SNORC: variants seen among roughly 807,000 people sequenced by gnomAD.
The protein encoded by SNORC is protein SNORC.
SNORC carries 11 observed loss-of-function variants against 9.7 expected under a neutral mutation model. That is an observed-to-expected ratio of 1.14 (90% confidence interval 0.72 to 1.88). The LOEUF is 1.88. SNORC is among the 40% of genes most tolerant of loss of function. The probability of loss-of-function intolerance (pLI) is 0.00; values close to 1 mark genes in which losing one functional copy is unlikely to be tolerated. For synonymous variants in SNORC, 108 were observed against 88.7 expected (o/e 1.22, Z -1.22); for missense variants, 197 against 173.1 (o/e 1.14, Z -0.77).
chr2:232,876,116 G>A lies in SNORC; in HGVS notation c.250G>A (p.Gly84Ser). The change falls in exon 2 of 3, where the codon GGC becomes AGC. Residue 84 changes from glycine (G) to serine (S), a missense_variant. Transcript: ENST00000331342. The surrounding 1 kb of genome is among the most constrained non-coding windows in gnomAD (Gnocchi z 6.8). ...CACCGCGCAGGAGCGGCTGGACCAG[G>A]GCGGCGGTACGGGCGGGGCGGGGGA... 2 of 1,500,054 alleles carry A rather than the reference G, an allele frequency of 1.3e-6. No individual in the cohort carries two copies. Among genetic ancestry groups the A allele is most frequent in the Non-Finnish European group, 1.8e-6 (2 of 1,132,324 alleles). 92.9% of individuals were successfully genotyped at this position (1,500,054 alleles called of 1,614,324 possible).
At chr2:232,876,469 C>G (rs1691249053), downstream of SNORC, 1 of 1,354,210 alleles carries the variant, frequency 7.4e-7, no homozygotes, top group African/African-American at 1.6e-5. The surrounding 1 kb of genome is among the most constrained non-coding windows in gnomAD (Gnocchi z 6.8). Flanking sequence ...CGTGAGCGCG[C>G]GCAGGCGAGC....
chr2:232,868,716 A>G (rs1690923070), upstream of SNORC, among the ~76,000 whole-genome samples: 1 of 152,174 alleles, frequency 6.6e-6, no homozygotes, highest in Non-Finnish European at 1.5e-5. Context: ...TAGGCTTCTC[A>G]ATCTCATAGC....
chr2:232,878,306 G>A (rs146834931), downstream of SNORC: 1,338 of 153,934 alleles, frequency 8.7e-3, 35 homozygotes, highest in Admixed American at 0.054. Context: ...GTAACTGAAG[G>A]TGTGAAGGGC....
At chr2:232,872,275 G>C (rs574487464) in intron 1 of SNORC, among the ~76,000 whole-genome samples, 2 of 152,262 alleles carry the variant, frequency 1.3e-5, no homozygotes, top group East Asian at 3.9e-4. Context: ...CTCCCTGTTG[G>C]GGGCCTGTGG....
At chr2:232,868,294 G>A (rs1279320747), upstream of SNORC, among the ~76,000 whole-genome samples, 5 of 151,880 alleles carry the variant, frequency 3.3e-5, no homozygotes, top group East Asian at 3.9e-4. Context: ...ATGGGTTTTC[G>A]CCATGTTGGT....
rs753320240 is a variant in SNORC, at chr2:232,876,119, G to C, written c.253G>C (p.Gly85Arg). 1.5e-5 allele frequency: 22 copies of C among 1,495,258 alleles called. No homozygotes were observed. In the South Asian group the frequency reaches 2.7e-4, roughly 19 times the overall value. The allele number at this position is 1,495,258 out of a possible 1,614,324, so 92.6% of individuals were successfully genotyped here. The stretch of plus-strand genomic sequence containing the variant: ...CGCGCAGGAGCGGCTGGACCAGGGC[G>C]GCGGTACGGGCGGGGCGGGGGAGGG... Residue 85 changes from glycine (G) to arginine (R), a missense_variant, in exon 2 of 3, where the codon GGC becomes CGC. By Grantham distance (125) the Gly-to-Arg change is moderately radical (BLOSUM62 -2). Transcript: ENST00000331342. This position sits in a 1 kb window ranked among gnomAD's most constrained non-coding sequence, Gnocchi z 6.8.
At chr2:232,875,998 G>A (rs1219756368) in exon 2 of SNORC, 3 of 1,554,396 alleles carry the variant, frequency 1.9e-6, no homozygotes, top group East Asian at 2.4e-5. Flanking sequence ...AGCTGCCGTC[G>A]GGAGAAGGCC....
downstream of SNORC, chr2:232,876,985 G>T: frequency 1.0e-6 from 1 of 985,636 alleles, no homozygotes; most frequent in Non-Finnish European, 1.2e-6. This position sits in a 1 kb window ranked among gnomAD's most constrained non-coding sequence, Gnocchi z 6.8. Context: ...TTGAGGCCGG[G>T]GTTGGGGAGG....
At chr2:232,870,539 G>T in intron 1 of SNORC, 125 bp downstream of exon 1, 3 of 943,348 alleles carry the variant, frequency 3.2e-6, no homozygotes, top group Non-Finnish European at 4.8e-6. Context: ...ATGACTATTT[G>T]GGGTGATTCT....
At chr2:232,876,881 C>T (rs1376045974), downstream of SNORC, 2 of 985,400 alleles carry the variant, frequency 2.0e-6, no homozygotes, top group Non-Finnish European at 2.4e-6. The surrounding 1 kb of genome is among the most constrained non-coding windows in gnomAD (Gnocchi z 6.8). Flanking sequence ...CGGGGCCTGC[C>T]TCCCATCCCG....
At chr2:232,875,665 C>T (rs943999989) in intron 1 of SNORC, 110 of 538,572 alleles carry the variant, frequency 2.0e-4, no homozygotes, top group Admixed American at 4.2e-4. Flanking sequence ...CAAATCCTGC[C>T]AACTCCCAAC....
chr2:232,876,570 G>A, downstream of SNORC: 1 of 1,161,134 alleles, frequency 8.6e-7, no homozygotes, highest in East Asian at 4.1e-5. This position sits in a 1 kb window ranked among gnomAD's most constrained non-coding sequence, Gnocchi z 6.8. Flanking sequence ...CAGGGGCGCC[G>A]GGGCGTGCGT....
At chr2:232,875,663 G>A in intron 1 of SNORC, 1 of 535,616 alleles carries the variant, frequency 1.9e-6, no homozygotes, top group Non-Finnish European at 3.3e-6. Flanking sequence ...CCCAAATCCT[G>A]CCAACTCCCA....
At chr2:232,871,233 C>T (rs1691013702) in intron 1 of SNORC, among the ~76,000 whole-genome samples, 1 of 152,126 alleles carries the variant, frequency 6.6e-6, no homozygotes, top group South Asian at 2.1e-4. Context: ...GTCATGAGAG[C>T]ATGGCCTGGG....
chr2:232,869,408 TGACAGAAC>T (rs1481284616), upstream of SNORC, among the ~76,000 whole-genome samples: 1 of 152,072 alleles, frequency 6.6e-6, no homozygotes, highest in Non-Finnish European at 1.5e-5. Context: ...TAGGGGGCGC[TGACAGAAC>T]TCTGAGGGCT....
At chr2:232,867,320 A>G (rs971610342), upstream of SNORC, among the ~76,000 whole-genome samples, 9 of 152,260 alleles carry the variant, frequency 5.9e-5, no homozygotes, top group Non-Finnish European at 1.3e-4. Flanking sequence ...TTGCTAACCC[A>G]TACCAAGAGA....
intron 1 of SNORC, among the ~76,000 whole-genome samples, chr2:232,870,831 G>A (rs1690999489): frequency 6.6e-6 from 1 of 152,182 alleles, no homozygotes; most frequent in Non-Finnish European, 1.5e-5. Flanking sequence ...TTCCCTGCTG[G>A]TTTCTGCGAC....
downstream of SNORC, chr2:232,876,441 C>T (rs546979453): frequency 6.3e-4 from 905 of 1,433,334 alleles, 6 homozygotes; most frequent in African/African-American, 0.012. This position sits in a 1 kb window ranked among gnomAD's most constrained non-coding sequence, Gnocchi z 6.8. Flanking sequence ...CGTGTCCGCG[C>T]ATGCAGGTGT....
At chr2:232,875,064 C>G (rs1327082370) in intron 1 of SNORC, among the ~76,000 whole-genome samples, 2 of 152,160 alleles carry the variant, frequency 1.3e-5, no homozygotes, top group Non-Finnish European at 2.9e-5. Flanking sequence ...ATGGGGCCGG[C>G]CGCAGTGGCT....
Sources: gnomAD v4.1 joint callset for allele counts (sites outside exome capture counted in the v4.1 genomes callset) on GRCh38, gnomAD v4.1.1 for gene constraint, Gnocchi (gnomAD v3.1) non-coding constraint, MANE v1.5 for transcripts, NCBI Gene and HGNC (gene_info 2026-07-23, HGNC 2026-07-21) for gene names.